SPATA16: variants seen among roughly 807,000 people sequenced by gnomAD.
The protein encoded by SPATA16 is spermatogenesis associated 16.
SPATA16 carries 36 observed loss-of-function variants against 63.3 expected under a neutral mutation model. The observed-to-expected ratio is 0.57, with a 90% CI of 0.44 to 0.75. SPATA16 has a LOEUF of 0.75. Ranked by LOEUF, SPATA16 falls within the 30% of genes least tolerant of loss-of-function variation. SPATA16 has a pLI of 0.00. For missense variants in SPATA16, 646 were observed against 679.3 expected (o/e 0.95, Z 0.54); for synonymous variants, 203 against 216.7 (o/e 0.94, Z 0.56).
intron 4 of SPATA16, among the ~76,000 whole-genome samples, chr3:173,005,045 G>A (rs145583476): frequency 1.3e-3 from 202 of 152,280 alleles, no homozygotes; most frequent in African/African-American, 4.6e-3. Context: ...GAATCAGGCC[G>A]GGTGCGGTGG....
rs763882176 is a variant in SPATA16 at position 173,117,196 on chromosome 3, G to T, written c.536C>A (p.Ala179Asp). ...ATAGCAAGAGCTGGCATCCTTTAAG[G>T]CTACCTGAAGCCATTTGTCAATCTG... ...LPQIDKWLQV[A>D]LKDASSCYRQ... Residue 179 changes from alanine (A) to aspartate (D), a missense_variant, in exon 2 of 11, where the codon GCC (alanine) becomes GAC (aspartate). By Grantham distance (126) the Ala-to-Asp change is moderately radical (BLOSUM62 -2). Transcript: ENST00000351008. 1.9e-6 allele frequency: 3 copies of T among 1,614,096 alleles called. No homozygotes were observed. In the South Asian group the frequency reaches 3.3e-5, roughly 18 times the overall value.
At chr3:173,088,748 C>T (rs1177299622) in intron 2 of SPATA16, among the ~76,000 whole-genome samples, 2 of 152,140 alleles carry the variant, frequency 1.3e-5, no homozygotes, top group South Asian at 2.1e-4. Flanking sequence ...CATGGATGTC[C>T]TAGGTACAAA....
chr3:173,041,372 A>G (rs1735835989), intron 3 of SPATA16, among the ~76,000 whole-genome samples: 1 of 152,204 alleles, frequency 6.6e-6, no homozygotes, highest in Admixed American at 6.5e-5. Flanking sequence ...AAGTAGGAAG[A>G]AACATTCTCT....
chr3:172,979,745 A>G (rs34258074), intron 4 of SPATA16, among the ~76,000 whole-genome samples: 12,434 of 152,188 alleles, frequency 0.082, 720 homozygotes, highest in East Asian at 0.15. Flanking sequence ...TTAAAGGAAC[A>G]CAGCTCTCCA....
chr3:173,037,259 C>T (rs1735734365), intron 3 of SPATA16, among the ~76,000 whole-genome samples: 1 of 151,924 alleles, frequency 6.6e-6, no homozygotes, highest in Non-Finnish European at 1.5e-5. Context: ...TTTTTGGGTA[C>T]TACATGTGAC....
chr3:172,962,498 A>C (rs1007594957), intron 5 of SPATA16, among the ~76,000 whole-genome samples: 2 of 152,146 alleles, frequency 1.3e-5, no homozygotes, highest in Admixed American at 6.5e-5. Flanking sequence ...GAAACTTGGA[A>C]TCTCTCTCAT....
intron 10 of SPATA16, among the ~76,000 whole-genome samples, chr3:172,908,193 G>A (rs555975492): frequency 2.6e-5 from 4 of 152,240 alleles, no homozygotes; most frequent in South Asian, 4.1e-4. Context: ...GGATTTGTGG[G>A]ATGTTCAAAA....
At chr3:172,966,577 GA>G (rs1375309131) in intron 5 of SPATA16, among the ~76,000 whole-genome samples, 10 of 152,104 alleles carry the variant, frequency 6.6e-5, no homozygotes, top group Admixed American at 2.0e-4. Flanking sequence ...GCTGACATTT[GA>G]AATGCCAAGG....
chr3:172,937,376 G>C (rs942839907), intron 6 of SPATA16, among the ~76,000 whole-genome samples: 2 of 152,196 alleles, frequency 1.3e-5, no homozygotes, highest in African/African-American at 4.8e-5. Flanking sequence ...CTGATTCCCA[G>C]CCTTTTGGTT....
chr3:173,137,404 A>G (rs1738575191), intron 1 of SPATA16, among the ~76,000 whole-genome samples: 1 of 152,208 alleles, frequency 6.6e-6, no homozygotes, highest in Admixed American at 6.5e-5. Context: ...CTGAAAGATA[A>G]GAAAGAACAA....
chr3:173,097,344 CT>C (rs755547005), intron 2 of SPATA16, among the ~76,000 whole-genome samples: 14 of 152,094 alleles, frequency 9.2e-5, no homozygotes, highest in Non-Finnish European at 1.5e-4. Context: ...CCATAAAGTA[CT>C]TTCTTTAAGT....
Position 172,981,517 on chromosome 3 carries a change from T to C in SPATA16, c.849-4465A>G, listed in dbSNP as rs879682724. Among the ~76,000 whole-genome samples, 20 of 152,264 alleles carry C rather than the reference T, an allele frequency of 1.3e-4. 1 individual carries two copies. Among genetic ancestry groups the C allele is most frequent in the Admixed American group, 3.9e-4 (6 of 15,298 alleles). ...CCATCCTGCTGTCCCTCACAAAGAATGGCCATACTGTTGCTTCTGGGATTT... is the reference window on the plus strand; with the variant it reads ...CCATCCTGCTGTCCCTCACAAAGAACGGCCATACTGTTGCTTCTGGGATTT... On this transcript the variant is annotated intron_variant, in intron 4 of 10. Coordinates refer to ENST00000351008, the MANE Select transcript of SPATA16 (RefSeq NM_031955.6).
At chr3:173,108,719 C>CA (rs1436896201) in intron 2 of SPATA16, among the ~76,000 whole-genome samples, 1 of 152,172 alleles carries the variant, frequency 6.6e-6, no homozygotes, top group Non-Finnish European at 1.5e-5. Context: ...AATGGAGCAG[C>CA]CCTATACAGG....
At chr3:173,103,948 A>G (rs1737560263) in intron 2 of SPATA16, among the ~76,000 whole-genome samples, 1 of 152,164 alleles carries the variant, frequency 6.6e-6, no homozygotes, top group Non-Finnish European at 1.5e-5. Context: ...CCTGCATCTG[A>G]CTACAGGCTG....
chr3:172,911,056 G>T (rs1732361366), intron 10 of SPATA16, among the ~76,000 whole-genome samples: 1 of 152,168 alleles, frequency 6.6e-6, no homozygotes, highest in Non-Finnish European at 1.5e-5. Context: ...GTCATCAGAG[G>T]GCATTAGAAG....
intron 2 of SPATA16, among the ~76,000 whole-genome samples, chr3:173,115,634 G>C (rs1334988892): frequency 6.6e-6 from 1 of 152,106 alleles, no homozygotes; most frequent in Admixed American, 6.5e-5. Flanking sequence ...ATTTATAGAT[G>C]CATCTATTTG....
chr3:172,979,081 C>CA (rs1408919519), intron 4 of SPATA16, among the ~76,000 whole-genome samples: 8 of 151,994 alleles, frequency 5.3e-5, no homozygotes, highest in African/African-American at 1.7e-4. Context: ...ACTAAAAATA[C>CA]AAAAAATTAG....
At chr3:173,021,354 G>T (rs115306721) in intron 3 of SPATA16, among the ~76,000 whole-genome samples, 1,605 of 152,300 alleles carry the variant, frequency 0.011, 37 homozygotes, top group African/African-American at 0.037. Context: ...TTCTGAATTA[G>T]ACGGGTCTGA....
intron 3 of SPATA16, among the ~76,000 whole-genome samples, chr3:173,036,498 T>G (rs1735718033): frequency 6.6e-6 from 1 of 152,044 alleles, no homozygotes; most frequent in Non-Finnish European, 1.5e-5. Flanking sequence ...TACTAACTCA[T>G]GAATGGATAA....
Sources: gnomAD v4.1 joint callset for allele counts (sites outside exome capture counted in the v4.1 genomes callset) on GRCh38, gnomAD v4.1.1 for gene constraint, MANE v1.5 for transcripts, NCBI Gene and HGNC (gene_info 2026-07-23, HGNC 2026-07-21) for gene names.